Variants in CLSTN2 observed in about 807,000 individuals in gnomAD.
CLSTN2 encodes calsyntenin-2.
Under a neutral mutation model 101.2 loss-of-function variants are expected in CLSTN2, and 48 were observed. That is an observed-to-expected ratio of 0.47 (90% CI 0.38 to 0.60). The LOEUF (loss-of-function observed/expected upper bound fraction) is 0.60, where lower values mean the gene tolerates loss of function less well. Ranked by LOEUF, CLSTN2 falls within the 20% of genes least tolerant of loss-of-function variation. CLSTN2 has a pLI of 0.00. For synonymous variants in CLSTN2, 481 were observed against 463.6 expected (o/e 1.04, Z -0.48); for missense variants, 1,160 against 1,238.2 (o/e 0.94, Z 0.95).
chr3:140,017,751 A>C (rs574087052), intron 1 of CLSTN2, among the ~76,000 whole-genome samples: 1 of 152,260 alleles, frequency 6.6e-6, no homozygotes, highest in South Asian at 2.1e-4. Context: ...CTGGAGTAAG[A>C]TTGTCTTCAT....
chr3:140,500,350 C>T (rs945896150), intron 8 of CLSTN2, among the ~76,000 whole-genome samples: 6 of 152,122 alleles, frequency 3.9e-5, no homozygotes, highest in African/African-American at 1.4e-4. Context: ...GAAAGACTTA[C>T]TTCAAAATTA....
At chr3:140,262,736 G>A (rs1040240302) in intron 2 of CLSTN2, among the ~76,000 whole-genome samples, 1 of 152,112 alleles carries the variant, frequency 6.6e-6, no homozygotes, top group African/African-American at 2.4e-5. Context: ...ATGAGTGGCT[G>A]GGAAATGATG....
intron 2 of CLSTN2, among the ~76,000 whole-genome samples, chr3:140,326,646 A>G (rs534620785): frequency 6.6e-6 from 1 of 152,352 alleles, no homozygotes; most frequent in East Asian, 1.9e-4. Context: ...CCTGAGAGAC[A>G]GCATTCTCCA....
chr3:140,169,961 A>G (rs1294677821), intron 1 of CLSTN2, among the ~76,000 whole-genome samples: 1 of 152,186 alleles, frequency 6.6e-6, no homozygotes, highest in East Asian at 1.9e-4. Context: ...ACAAATGAAG[A>G]ATGAGTAATG....
At chr3:140,434,436 A>G (rs2088667543) in intron 5 of CLSTN2, among the ~76,000 whole-genome samples, 1 of 152,178 alleles carries the variant, frequency 6.6e-6, no homozygotes, top group Non-Finnish European at 1.5e-5. Flanking sequence ...CCTGGGAACC[A>G]TGAGCTGGAG....
chr3:140,261,336 C>T (rs2086652318), intron 2 of CLSTN2, among the ~76,000 whole-genome samples: 1 of 152,098 alleles, frequency 6.6e-6, no homozygotes, highest in African/African-American at 2.4e-5. Context: ...CTTTATTTTA[C>T]ACTGTTGCTT....
At chr3:140,488,867 A>G (rs1333833211) in intron 8 of CLSTN2, among the ~76,000 whole-genome samples, 14 of 152,014 alleles carry the variant, frequency 9.2e-5, no homozygotes, top group Admixed American at 9.2e-4. Context: ...ATAAGCCTAG[A>G]TCTGATTGGC....
intron 1 of CLSTN2, among the ~76,000 whole-genome samples, chr3:140,048,326 G>A (rs769963116): frequency 6.6e-5 from 10 of 152,196 alleles, no homozygotes; most frequent in Non-Finnish European, 1.2e-4. Context: ...TTGAATGAGT[G>A]GATGAATAAA....
At chr3:140,214,714 C>T (rs2010900103) in intron 2 of CLSTN2, among the ~76,000 whole-genome samples, 1 of 152,182 alleles carries the variant, frequency 6.6e-6, no homozygotes, top group Middle Eastern at 3.2e-3. Flanking sequence ...GAAATTCCCA[C>T]ACCAAGTCAT....
At chr3:140,074,351 G>T (rs959903759) in intron 1 of CLSTN2, among the ~76,000 whole-genome samples, 1 of 152,120 alleles carries the variant, frequency 6.6e-6, no homozygotes, top group African/African-American at 2.4e-5. Flanking sequence ...ATTGGCCGGG[G>T]TGTTGACTGG....
At chr3:140,236,596 A>G (rs2086419040) in intron 2 of CLSTN2, among the ~76,000 whole-genome samples, 1 of 152,242 alleles carries the variant, frequency 6.6e-6, no homozygotes, top group African/African-American at 2.4e-5. Context: ...GGATTCAGTT[A>G]TATGTATGTT....
chr3:139,952,557 TAGGAA>T (rs1467104193), intron 1 of CLSTN2, among the ~76,000 whole-genome samples: 2 of 152,172 alleles, frequency 1.3e-5, no homozygotes, highest in Non-Finnish European at 2.9e-5. Flanking sequence ...TGGTTGAGCT[TAGGAA>T]AGGTAAAGTC....
chr3:140,155,491 G>A (rs1161221140), intron 1 of CLSTN2, among the ~76,000 whole-genome samples: 2 of 152,146 alleles, frequency 1.3e-5, no homozygotes, highest in African/African-American at 4.8e-5. Flanking sequence ...CAGAGGCGAG[G>A]AGTTTCCTAA....
intron 8 of CLSTN2, among the ~76,000 whole-genome samples, chr3:140,520,434 CAG>C (rs1935000619): frequency 6.6e-6 from 1 of 152,186 alleles, no homozygotes; most frequent in Admixed American, 6.5e-5. Context: ...CTTCACAGGG[CAG>C]AGTCAGTGCA....
At chr3:140,521,053 T>A (rs1164952983) in intron 8 of CLSTN2, among the ~76,000 whole-genome samples, 2 of 146,768 alleles carry the variant, frequency 1.4e-5, no homozygotes, top group African/African-American at 5.4e-5. Flanking sequence ...TTTGCATTTT[T>A]TTTTTTTTTT....
chr3:140,324,943 A>C (rs1405758292), intron 2 of CLSTN2, among the ~76,000 whole-genome samples: 1 of 152,264 alleles, frequency 6.6e-6, no homozygotes, highest in East Asian at 1.9e-4. Context: ...GTAACACAAA[A>C]TTGTGGAAGA....
chr3:140,071,728 G>A (rs2008398200), intron 1 of CLSTN2, among the ~76,000 whole-genome samples: 1 of 152,152 alleles, frequency 6.6e-6, no homozygotes, highest in Admixed American at 6.5e-5. Flanking sequence ...CTACCCAGGA[G>A]GCTGAGGCAG....
At chr3:140,241,949 C>T (rs936236370) in intron 2 of CLSTN2, among the ~76,000 whole-genome samples, 133 of 150,810 alleles carry the variant, frequency 8.8e-4, no homozygotes, top group African/African-American at 3.1e-3. Flanking sequence ...ACTTTGTTGC[C>T]CAGGCTGGAG....
At chr3:140,174,588 AAAAG>A (rs1306097003) in intron 1 of CLSTN2, among the ~76,000 whole-genome samples, 1 of 152,188 alleles carries the variant, frequency 6.6e-6, no homozygotes, top group Non-Finnish European at 1.5e-5. Flanking sequence ...GGCAATTTAC[AAAAG>A]AAAGAGGTTT....
Sources: allele counts gnomAD v4.1 joint callset (sites outside exome capture counted in the v4.1 genomes callset), GRCh38; gene constraint gnomAD v4.1.1; transcripts MANE v1.5; gene names NCBI Gene and HGNC (gene_info 2026-07-23, HGNC 2026-07-21).